SLC30A8: variants seen among roughly 807,000 people sequenced by gnomAD.
The protein encoded by SLC30A8 is solute carrier family 30 member 8.
In SLC30A8, 27 loss-of-function variants were observed where a neutral mutation model predicts 36.9. The observed-to-expected ratio is 0.73, with a 90% CI of 0.54 to 1.01. The LOEUF is 1.01. SLC30A8 is among the 50% of genes least tolerant of loss of function. The pLI, the probability that SLC30A8 is intolerant of heterozygous loss-of-function variation, is 0.00. For missense variants in SLC30A8, 439 were observed against 452.0 expected (o/e 0.97, Z 0.26); for synonymous variants, 164 against 172.4 (o/e 0.95, Z 0.38).
intron 2 of SLC30A8, among the ~76,000 whole-genome samples, chr8:117,105,755 T>A (rs546460006): frequency 6.6e-6 from 1 of 152,312 alleles, no homozygotes; most frequent in East Asian, 1.9e-4. Flanking sequence ...ATTTTAGATG[T>A]TAAACACGTC....
intron 1 of SLC30A8, among the ~76,000 whole-genome samples, chr8:117,012,660 G>A (rs1340195715): frequency 1.3e-5 from 2 of 149,510 alleles, no homozygotes; most frequent in East Asian, 4.1e-4. Context: ...AAGGACGACT[G>A]TATATAAGTG....
upstream of SLC30A8, chr8:116,950,942 G>T (rs1217925713): frequency 6.6e-6 from 1 of 152,186 alleles, no homozygotes; most frequent in Non-Finnish European, 1.5e-5. Flanking sequence ...GTGCCGTGAG[G>T]CTATTGAATT....
intron 1 of SLC30A8, among the ~76,000 whole-genome samples, chr8:116,977,141 C>CTTTTTTTTTTTTTTTTTTTTTTTTTT (rs71305451): frequency 1.5e-4 from 9 of 59,110 alleles, no homozygotes; most frequent in South Asian, 9.6e-4. Context: ...CTTTTTCTTG[C>CTTTTTTTTTTTTTTTTTTTTTTTTTT]TTTTTTTTTT....
At chr8:117,026,627 G>C (rs186694662) in intron 1 of SLC30A8, among the ~76,000 whole-genome samples, 32 of 152,246 alleles carry the variant, frequency 2.1e-4, no homozygotes, top group African/African-American at 7.7e-4. Flanking sequence ...AGTATCCAAA[G>C]TTTGGTGCTC....
At chr8:117,122,235 G>A (rs966180783) in intron 2 of SLC30A8, among the ~76,000 whole-genome samples, 3 of 151,888 alleles carry the variant, frequency 2.0e-5, no homozygotes, top group Admixed American at 1.3e-4. Flanking sequence ...GAGATTAAGA[G>A]AATTGCTTAC....
intron 1 of SLC30A8, among the ~76,000 whole-genome samples, chr8:116,979,158 G>A (rs1425087773): frequency 5.7e-5 from 8 of 139,586 alleles, no homozygotes; most frequent in African/African-American, 1.6e-4. Context: ...AGAATGGCTC[G>A]AACCTGGGAA....
At chr8:117,022,163 G>A (rs1396379768) in intron 1 of SLC30A8, among the ~76,000 whole-genome samples, 1 of 151,026 alleles carries the variant, frequency 6.6e-6, no homozygotes, top group Non-Finnish European at 1.5e-5. Context: ...TAGCGCCACT[G>A]CTGTCCGGCC....
chr8:117,027,880 A>G (rs1027679077), intron 1 of SLC30A8, among the ~76,000 whole-genome samples: 1 of 152,154 alleles, frequency 6.6e-6, no homozygotes, highest in Non-Finnish European at 1.5e-5. Flanking sequence ...TAATTCTGTC[A>G]TTTACAGTGT....
intron 1 of SLC30A8, among the ~76,000 whole-genome samples, chr8:116,979,512 C>T (rs180976212): frequency 3.3e-5 from 5 of 152,124 alleles, no homozygotes; most frequent in African/African-American, 7.2e-5. Flanking sequence ...GAGACTTTAA[C>T]GAATCTTTGG....
At chr8:117,024,447 C>T (rs1042850776) in intron 1 of SLC30A8, among the ~76,000 whole-genome samples, 20 of 152,186 alleles carry the variant, frequency 1.3e-4, no homozygotes, top group African/African-American at 4.3e-4. Flanking sequence ...TCCTTTTGGG[C>T]GTAATCTCTT....
intron 1 of SLC30A8, among the ~76,000 whole-genome samples, chr8:117,012,283 T>C (rs1248634576): frequency 6.6e-6 from 1 of 152,166 alleles, no homozygotes; most frequent in Non-Finnish European, 1.5e-5. Flanking sequence ...TTTTCTTTTG[T>C]TCAATGTTTT....
upstream of SLC30A8, among the ~76,000 whole-genome samples, chr8:117,133,833 G>T (rs887911669): frequency 2.6e-5 from 4 of 151,910 alleles, no homozygotes. Flanking sequence ...GCTAACAGTA[G>T]ACCCAGGATT....
chr8:116,980,655 A>T (rs1355932890), intron 1 of SLC30A8, among the ~76,000 whole-genome samples: 1 of 152,186 alleles, frequency 6.6e-6, no homozygotes, highest in Non-Finnish European at 1.5e-5. Context: ...CTGGAAGATG[A>T]GTCTACAACT....
intron 1 of SLC30A8, among the ~76,000 whole-genome samples, chr8:116,988,294 C>T (rs190554045): frequency 6.6e-6 from 1 of 152,306 alleles, no homozygotes. Flanking sequence ...CTCCACTTTT[C>T]ATGCTGTTAT....
At chr8:116,952,515 G>T (rs1372399663) in intron 1 of SLC30A8, among the ~76,000 whole-genome samples, 1 of 151,730 alleles carries the variant, frequency 6.6e-6, no homozygotes, top group Non-Finnish European at 1.5e-5. Flanking sequence ...CATGATTTCT[G>T]CTCTCTGCAA....
At chr8:117,044,666 C>T (rs754608102) in intron 2 of SLC30A8, among the ~76,000 whole-genome samples, 4 of 150,548 alleles carry the variant, frequency 2.7e-5, no homozygotes, top group Non-Finnish European at 3.0e-5. Context: ...ACTTAATAGA[C>T]GTCTTGAAAA....
intron 1 of SLC30A8, among the ~76,000 whole-genome samples, chr8:117,145,959 C>T (rs1466388502): frequency 1.3e-5 from 2 of 151,984 alleles, no homozygotes; most frequent in Non-Finnish European, 2.9e-5. Context: ...TTACAAGAGA[C>T]TGAGAAAGGT....
chr8:116,954,020 T>C (rs1201041876), intron 1 of SLC30A8, among the ~76,000 whole-genome samples: 2 of 151,986 alleles, frequency 1.3e-5, no homozygotes, highest in Non-Finnish European at 2.9e-5. Context: ...TGGAGTAGGG[T>C]GGTGTTAGTG....
At chr8:117,016,671 A>T (rs1816530159) in intron 1 of SLC30A8, among the ~76,000 whole-genome samples, 1 of 152,214 alleles carries the variant, frequency 6.6e-6, no homozygotes, top group Non-Finnish European at 1.5e-5. Flanking sequence ...TTTACAGCTA[A>T]CAAAAGATTG....
Sources: allele counts gnomAD v4.1 joint callset (sites outside exome capture counted in the v4.1 genomes callset), GRCh38; gene constraint gnomAD v4.1.1; transcripts MANE v1.5; gene names NCBI Gene and HGNC (gene_info 2026-07-23, HGNC 2026-07-21).